The following COL26A1 variants were observed in gnomAD, a reference collection of about 807,000 sequenced individuals.
COL26A1 encodes collagen alpha-1(XXVI) chain.
COL26A1 carries 41 observed loss-of-function variants against 59.3 expected under a neutral mutation model. That is an observed-to-expected ratio of 0.69 (90% CI 0.54 to 0.90). The LOEUF is 0.90. Ranked by LOEUF, COL26A1 falls within the 40% of genes least tolerant of loss-of-function variation. The pLI is 0.00. For missense variants in COL26A1, 612 were observed against 602.3 expected, an observed-to-expected ratio of 1.02 and a Z score of -0.17; for synonymous variants, 266 against 256.0, an observed-to-expected ratio of 1.04 and a Z score of -0.37.
At chr7:101,552,937 A>C (rs139960576) in intron 10 of COL26A1, among the ~76,000 whole-genome samples, 537 of 152,290 alleles carry the variant, frequency 3.5e-3, no homozygotes, top group Middle Eastern at 6.8e-3. Flanking sequence ...ATACAATAAA[A>C]TATGTGACTT....
intron 3 of COL26A1, among the ~76,000 whole-genome samples, chr7:101,451,986 C>T (rs560417777): frequency 3.9e-5 from 6 of 152,106 alleles, no homozygotes; most frequent in African/African-American, 9.7e-5. Flanking sequence ...GAATTGCAGG[C>T]GTGAGCCACC....
In COL26A1 at chr7:101,509,414, C is replaced by A. The variant is rs151139997; in HGVS notation, c.386-23668C>A. Among the ~76,000 whole-genome samples, 322 of 152,208 alleles carry A rather than the reference C, an allele frequency of 2.1e-3. 3 individuals are homozygous for A. The highest frequency in any genetic ancestry group is 7.5e-3 in the African/African-American group (312 of 41,538). ...TAAGCTGAGATCGTGCCACTGTACT[C>A]CAGCTCAGGCTACAGACTGAGACCC... On this transcript the variant is annotated intron_variant, in intron 3 of 12. Coordinates refer to ENST00000313669, the MANE Select transcript of COL26A1 (RefSeq NM_001278563.3).
intron 3 of COL26A1, among the ~76,000 whole-genome samples, chr7:101,532,198 G>A (rs765518698): frequency 1.6e-4 from 24 of 152,134 alleles, no homozygotes; most frequent in African/African-American, 3.4e-4. Flanking sequence ...GCTCTTGGGC[G>A]GGGTCAGCAT....
intron 3 of COL26A1, among the ~76,000 whole-genome samples, chr7:101,490,692 C>T (rs1424613183): frequency 2.0e-5 from 3 of 150,218 alleles, no homozygotes; most frequent in African/African-American, 7.4e-5. Flanking sequence ...CACAGTGAGA[C>T]TCTATCTCAA....
chr7:101,498,100 G>A (rs1191274045), intron 3 of COL26A1, among the ~76,000 whole-genome samples: 1 of 152,218 alleles, frequency 6.6e-6, no homozygotes, highest in Non-Finnish European at 1.5e-5. Context: ...TACTTTTCTT[G>A]TAAAGGTTGA....
intron 3 of COL26A1, among the ~76,000 whole-genome samples, chr7:101,497,716 C>T (rs1479969843): frequency 6.6e-6 from 1 of 152,042 alleles, no homozygotes; most frequent in Non-Finnish European, 1.5e-5. Flanking sequence ...CGCAGTGGCT[C>T]ACATCTGTAA....
At position 101,363,601 on chromosome 7, in the gene COL26A1, T is replaced by TGGGGCCGCGGGGCCGCGGGGCCGC. The variant is rs767746878; in HGVS notation, c.158+424_158+425insCGCGGGGCCGCGGGGCCGCGGGGC. 8.0e-5 allele frequency among the ~76,000 whole-genome samples: 4 copies of TGGGGCCGCGGGGCCGCGGGGCCGC among 49,702 alleles called. No homozygotes were observed. The South Asian group carries it at 2.5e-3, about 32-fold the overall frequency. The allele number at this position is 49,702 out of a possible 152,430, so 32.6% of individuals were successfully genotyped here. ...ACGAGCGATGGAGGAGGCTGGGGGT[T>TGGGGCCGCGGGGCCGCGGGGCCGC]GGGGCCGCGGGGCTGCGGGGCTGCG... On this transcript the variant is annotated intron_variant, in intron 1 of 12. Transcript: ENST00000313669.
chr7:101,423,428 C>G (rs1454673619), intron 2 of COL26A1, among the ~76,000 whole-genome samples: 1 of 151,990 alleles, frequency 6.6e-6, no homozygotes, highest in Admixed American at 6.6e-5. Flanking sequence ...ATTATCTGAA[C>G]AATGTTTCAG....
At chr7:101,433,547 G>A (rs555912342) in intron 2 of COL26A1, among the ~76,000 whole-genome samples, 30 of 152,238 alleles carry the variant, frequency 2.0e-4, no homozygotes, top group African/African-American at 7.0e-4. Context: ...ATAGGATGAG[G>A]GCAGAGGAGT....
chr7:101,464,558 C>T (rs182250951), intron 3 of COL26A1, among the ~76,000 whole-genome samples: 2 of 151,326 alleles, frequency 1.3e-5, no homozygotes, highest in Admixed American at 6.6e-5. Flanking sequence ...ATTACAGGCT[C>T]CTGCCACCAC....
chr7:101,415,174 G>A (rs1792344440), intron 1 of COL26A1, among the ~76,000 whole-genome samples: 2 of 145,692 alleles, frequency 1.4e-5, no homozygotes, highest in Non-Finnish European at 3.0e-5. Flanking sequence ...TTTTTGAGAC[G>A]GAGTCTCTCT....
chr7:101,436,030 C>T (rs965126711), intron 2 of COL26A1, among the ~76,000 whole-genome samples: 9 of 152,188 alleles, frequency 5.9e-5, no homozygotes, highest in South Asian at 2.1e-4. Flanking sequence ...TCCTCCTTAG[C>T]GGGACTGTTT....
intron 1 of COL26A1, among the ~76,000 whole-genome samples, chr7:101,387,374 G>A (rs1424015766): frequency 2.8e-5 from 4 of 143,684 alleles, no homozygotes; most frequent in East Asian, 2.0e-4. Context: ...CCGACACACT[G>A]AAAAAAAAAA....
intron 3 of COL26A1, among the ~76,000 whole-genome samples, chr7:101,499,513 G>A (rs747507449): frequency 3.9e-5 from 6 of 152,066 alleles, no homozygotes; most frequent in South Asian, 2.1e-4. Context: ...GTGAAACCCC[G>A]TCTCTACTAA....
At chr7:101,504,162 G>A (rs866305104) in intron 3 of COL26A1, among the ~76,000 whole-genome samples, 5 of 152,060 alleles carry the variant, frequency 3.3e-5, no homozygotes, top group Admixed American at 6.5e-5. Flanking sequence ...GTGCAGTGGT[G>A]CAATCTCGGC....
chr7:101,400,134 C>A (rs926273264), intron 1 of COL26A1, among the ~76,000 whole-genome samples: 48 of 151,948 alleles, frequency 3.2e-4, no homozygotes, highest in Admixed American at 3.0e-3. Context: ...ATGTGGAAGA[C>A]GAGTAGGTGG....
At chr7:101,403,517 T>TCAA (rs987564769) in intron 1 of COL26A1, among the ~76,000 whole-genome samples, 34 of 149,720 alleles carry the variant, frequency 2.3e-4, no homozygotes, top group African/African-American at 6.1e-4. Context: ...AGACTCTGCT[T>TCAA]CAACAACAAC....
intron 2 of COL26A1, among the ~76,000 whole-genome samples, chr7:101,435,081 T>A (rs375804457): frequency 2.7e-4 from 41 of 152,172 alleles, no homozygotes; most frequent in African/African-American, 9.4e-4. Flanking sequence ...TCCTAGCACT[T>A]TGGGAGGCTG....
At chr7:101,534,736 G>C (rs576424772) in intron 4 of COL26A1, among the ~76,000 whole-genome samples, 1 of 152,048 alleles carries the variant, frequency 6.6e-6, no homozygotes, top group Non-Finnish European at 1.5e-5. Context: ...ATTACCCTTG[G>C]CCCTGACTTC....
Sources: allele counts gnomAD v4.1 joint callset (sites outside exome capture counted in the v4.1 genomes callset), GRCh38; gene constraint gnomAD v4.1.1; transcripts MANE v1.5; gene names NCBI Gene and HGNC (gene_info 2026-07-23, HGNC 2026-07-21).